MYOZ3: variants seen among roughly 807,000 people sequenced by gnomAD.
The protein encoded by MYOZ3 is myozenin-3.
Under a neutral mutation model 26.5 loss-of-function variants are expected in MYOZ3, and 19 were observed. The ratio of observed to expected loss-of-function variants is 0.72; its 90% CI spans 0.50 to 1.05. MYOZ3 has a LOEUF of 1.05. MYOZ3 is among the 50% of genes least tolerant of loss of function. The pLI is 0.00. For synonymous variants in MYOZ3, 135 were observed against 138.8 expected, an observed-to-expected ratio of 0.97 and a Z score of 0.19; for missense variants, 322 against 337.1, an observed-to-expected ratio of 0.96 and a Z score of 0.35.
chr5:150,667,478 C>T (rs117600131), intron 2 of MYOZ3, among the ~76,000 whole-genome samples: 2 of 152,292 alleles, frequency 1.3e-5, no homozygotes, highest in East Asian at 3.9e-4. Flanking sequence ...TCTCCTCATA[C>T]CTGCCTGGTG....
intron 2 of MYOZ3, 152 bp from the exon 3 acceptor site, chr5:150,670,332 G>A (rs999378265): frequency 1.2e-6 from 1 of 822,728 alleles, no homozygotes; most frequent in African/African-American, 1.8e-5. Flanking sequence ...CCCATCAGGT[G>A]GGCAAAGATT....
Position 150,672,515 on chromosome 5 carries a change from G to C in MYOZ3, c.587+13G>C. On this transcript the variant is annotated intron_variant, in intron 6 of 6. Transcript: ENST00000517768. The stretch of plus-strand genomic sequence containing the variant: ...GAAATTTCAACAAGTAAGGCGGGGC[G>C]GGCAGCCCGGGGGACAGACCGGGAG... 1 of 1,551,258 alleles carries C rather than the reference G, an allele frequency of 6.4e-7. No individual in the cohort carries two copies. Among genetic ancestry groups the C allele is most frequent in the Non-Finnish European group, 8.7e-7 (1 of 1,148,806 alleles).
chr5:150,676,864 G>A lies in MYOZ3; in HGVS notation c.745G>A (p.Glu249Lys), dbSNP rs552255058. The change falls in exon 7 of 7, where the codon GAG becomes AAG. Residue 249 changes from glutamate to lysine, a missense_variant. Coordinates refer to ENST00000517768, the MANE Select transcript of MYOZ3 (RefSeq NM_001122853.3). ...QGWVRNLPES[E>K]EL ...CTGGGTCCGTAACCTCCCAGAGTCCGAGGAGCTGTAGCCCTAGCCTGAATC... is the reference window on the plus strand; with the variant it reads ...CTGGGTCCGTAACCTCCCAGAGTCCAAGGAGCTGTAGCCCTAGCCTGAATC... 7.4e-6 allele frequency: 12 copies of A among 1,610,988 alleles called. No homozygotes were observed. The highest frequency in any genetic ancestry group is 6.7e-5 in the East Asian group (3 of 44,860).
chr5:150,668,824 C>T (rs138038780), intron 2 of MYOZ3, among the ~76,000 whole-genome samples: 121 of 152,298 alleles, frequency 7.9e-4, no homozygotes, highest in African/African-American at 2.7e-3. Context: ...CCTGAAAATC[C>T]TCTAAATAGC....
intron 6 of MYOZ3, among the ~76,000 whole-genome samples, chr5:150,674,098 A>C (rs546505924): frequency 6.6e-6 from 1 of 152,340 alleles, no homozygotes; most frequent in Middle Eastern, 3.4e-3. Context: ...ATAGGCAGAG[A>C]CTTCCTGATG....
At chr5:150,668,521 C>T (rs141248594) in intron 2 of MYOZ3, among the ~76,000 whole-genome samples, 28 of 152,324 alleles carry the variant, frequency 1.8e-4, no homozygotes, top group African/African-American at 6.7e-4. Flanking sequence ...CCCCAGGCTC[C>T]GTCTCTGATC....
intron 2 of MYOZ3, among the ~76,000 whole-genome samples, chr5:150,668,349 T>C (rs1363853306): frequency 6.6e-6 from 1 of 152,204 alleles, no homozygotes; most frequent in Non-Finnish European, 1.5e-5. Context: ...CCTTGACACA[T>C]CAGCAGCACT....
Position 150,671,477 on chromosome 5 carries a change from C to A in MYOZ3, c.217-120C>A, listed in dbSNP as rs17727079. 6.1e-3 allele frequency: 6,156 copies of A among 1,008,554 alleles called. 161 individuals are homozygous for A. Among genetic ancestry groups the A allele is most frequent in the East Asian group, 0.047 (1,959 of 41,266 alleles). 62.5% of individuals were successfully genotyped at this position (1,008,554 alleles called of 1,614,324 possible). ...TGTAAACTAGTAACTCATCCTTGTT[C>A]CCCGATGATGGGCGTTAGGATTCTT... On this transcript the variant is annotated intron_variant, in intron 3 of 6. Coordinates refer to ENST00000517768, the MANE Select transcript of MYOZ3 (RefSeq NM_001122853.3).
chr5:150,672,325 C>T lies in MYOZ3; in HGVS notation c.425-15C>T. On this transcript the variant is annotated splice_polypyrimidine_tract_variant and intron_variant, in intron 5 of 6. Transcript: ENST00000517768. ...GTGGAAGAACGGAGGCGCTCCCTTC[C>T]CCCCGCGCCCCTAGGCTATGCGGAG... 1 of 1,586,766 alleles carries T rather than the reference C, an allele frequency of 6.3e-7. No individual in the cohort carries two copies. The highest frequency in any genetic ancestry group is 8.6e-7 in the Non-Finnish European group (1 of 1,167,132).
intron 1 of MYOZ3, among the ~76,000 whole-genome samples, chr5:150,661,687 G>A (rs530191586): frequency 8.5e-5 from 13 of 152,316 alleles, no homozygotes; most frequent in Non-Finnish European, 1.8e-4. Context: ...GGATTTTTAG[G>A]CAGTAGAGGG....
In MYOZ3 at chr5:150,669,633, C is replaced by CTTTTTTTTTTTTTTT. The variant is rs532402882; in HGVS notation, c.62-833_62-819dup. Among the ~76,000 whole-genome samples, 5 of 47,748 alleles carry CTTTTTTTTTTTTTTT rather than the reference C, an allele frequency of 1.0e-4. 2 individuals carry two copies. Among genetic ancestry groups the CTTTTTTTTTTTTTTT allele is most frequent in the African/African-American group, 1.8e-4 (3 of 16,888 alleles). 31.3% of individuals were successfully genotyped at this position (47,748 alleles called of 152,430 possible). On this transcript the variant is annotated intron_variant, in intron 2 of 6. Coordinates refer to ENST00000517768, the MANE Select transcript of MYOZ3 (RefSeq NM_001122853.3). Reference sequence around the variant, plus strand: ...CAACTTTCCTCAGGGCCCATATATGCTTTTTTTTTTTTTTTTTTTTTTTTT... The same window carrying CTTTTTTTTTTTTTTT: ...CAACTTTCCTCAGGGCCCATATATGCTTTTTTTTTTTTTTTTTTTTTTTTTTTTTTTTTTTTTTTT...
intron 6 of MYOZ3, among the ~76,000 whole-genome samples, chr5:150,676,365 G>A (rs1247002499): frequency 3.9e-5 from 6 of 151,962 alleles, no homozygotes; most frequent in African/African-American, 9.7e-5. Flanking sequence ...CCAACATGGT[G>A]AAACCCCGTC....
chr5:150,668,458 G>T (rs1758841637), intron 2 of MYOZ3, among the ~76,000 whole-genome samples: 1 of 152,136 alleles, frequency 6.6e-6, no homozygotes, highest in South Asian at 2.1e-4. Flanking sequence ...GGCTGCTCCT[G>T]CCCAGGCTCC....
chr5:150,673,911 C>T (rs1040872906), intron 6 of MYOZ3, among the ~76,000 whole-genome samples: 7 of 152,200 alleles, frequency 4.6e-5, no homozygotes, highest in African/African-American at 1.4e-4. Flanking sequence ...TCCTGCTCTT[C>T]TGGCATTTGC....
rs143956644 is a variant in MYOZ3 at position 150,672,478 on chromosome 5, C to T, written c.563C>T (p.Pro188Leu). 2.6e-5 allele frequency: 41 copies of T among 1,579,294 alleles called. No individual in the cohort carries two copies. Among genetic ancestry groups the T allele is most frequent in the Non-Finnish European group, 3.4e-5 (39 of 1,160,552 alleles). The change falls in exon 6 of 7, where the codon CCC (proline) becomes CTC (leucine). Residue 188 changes from proline to leucine, a missense_variant. By Grantham distance (98) the Pro-to-Leu change is moderately conservative. Transcript: ENST00000517768. Reference sequence around the variant, plus strand: ...GATGGCCGAAGTCACACCCCCAGCCCCAACGACTACCGAAATTTCAACAAG... The same window carrying T: ...GATGGCCGAAGTCACACCCCCAGCCTCAACGACTACCGAAATTTCAACAAG... ...QSDGRSHTPS[P>L]NDYRNFNKTP...
At chr5:150,675,382 C>T (rs1758988537) in intron 6 of MYOZ3, among the ~76,000 whole-genome samples, 1 of 150,254 alleles carries the variant, frequency 6.7e-6, no homozygotes, top group Non-Finnish European at 1.5e-5. Context: ...CTTTTTTTTT[C>T]GCGGGGTGGA....
At position 150,670,528 on chromosome 5, in the gene MYOZ3, C is replaced by T. The variant is rs61740113; in HGVS notation, c.106C>T (p.Leu36=). The change falls in exon 3 of 7, where the codon CTG becomes TTG. Residue 36 remains leucine (L), a synonymous_variant. Transcript: ENST00000517768. ...LGKKLSVPQD[L]MMEELSLRNN... ...CAAGAAGCTGAGCGTGCCCCAGGAC[C>T]TGATGATGGAGGAGCTGTCACTACG... 2.2e-3 allele frequency: 3,626 copies of T among 1,613,248 alleles called. 60 individuals carry two copies. The African/African-American group carries it at 0.037, about 17-fold the overall frequency.
chr5:150,669,594 A>C (rs1378334063), intron 2 of MYOZ3, among the ~76,000 whole-genome samples: 1 of 121,282 alleles, frequency 8.2e-6, no homozygotes, highest in Admixed American at 8.4e-5. Context: ...TTTTTGTCTG[A>C]TATCTGTATT....
Position 150,672,125 on chromosome 5 carries a change from G to T in MYOZ3, c.425-215G>T, listed in dbSNP as rs1246316705. On this transcript the variant is annotated intron_variant, in intron 5 of 6. Coordinates refer to ENST00000517768, the MANE Select transcript of MYOZ3 (RefSeq NM_001122853.3). Reference sequence around the variant, plus strand: ...CAAGGCCAAGACCAACCCGCGCTGCGAACTCGTGGCTTCCTCACTGCAGTC... The same window carrying T: ...CAAGGCCAAGACCAACCCGCGCTGCTAACTCGTGGCTTCCTCACTGCAGTC... 4 of 1,035,142 alleles carry T rather than the reference G, an allele frequency of 3.9e-6. No homozygotes were observed. In the African/African-American group the frequency reaches 4.7e-5, roughly 12 times the overall value. 64.1% of individuals were successfully genotyped at this position (1,035,142 alleles called of 1,614,324 possible).
Sources: gnomAD v4.1 joint callset for allele counts (sites outside exome capture counted in the v4.1 genomes callset) on GRCh38, gnomAD v4.1.1 for gene constraint, MANE v1.5 for transcripts, NCBI Gene and HGNC (gene_info 2026-07-23, HGNC 2026-07-21) for gene names.